SAP130: variants seen among roughly 807,000 people sequenced by gnomAD.
SAP130 encodes the protein histone deacetylase complex subunit SAP130.
A neutral mutation model predicts 103.2 loss-of-function variants in SAP130; 16 were observed. The ratio of observed to expected loss-of-function variants is 0.16; its 90% CI spans 0.10 to 0.24. The LOEUF (loss-of-function observed/expected upper bound fraction) is 0.24, where lower values mean the gene tolerates loss of function less well. Ranked by LOEUF, SAP130 falls within the 10% of genes least tolerant of loss-of-function variation. The probability of loss-of-function intolerance (pLI) is 1.00; values close to 1 mark genes in which losing one functional copy is unlikely to be tolerated. For synonymous variants in SAP130, 477 were observed against 497.0 expected (o/e 0.96, Z 0.53); for missense variants, 990 against 1,359.7 (o/e 0.73, Z 4.28).
intron 1 of SAP130, chr2:128,027,397 C>A (rs115599916): frequency 0.016 from 18,049 of 1,135,520 alleles, 175 homozygotes; most frequent in East Asian, 0.043. Context: ...ACGTTCAGAG[C>A]CCGCCCCACC....
chr2:128,009,474 A>C (rs553724836), intron 7 of SAP130, among the ~76,000 whole-genome samples: 1 of 152,228 alleles, frequency 6.6e-6, no homozygotes, highest in African/African-American at 2.4e-5. Flanking sequence ...CTGTCTCCAA[A>C]AAATAATAAT....
chr2:127,999,882 AC>A, intron 9 of SAP130, 37 bp from the exon 10 acceptor site: 1 of 1,452,586 alleles, frequency 6.9e-7, no homozygotes, highest in South Asian at 1.3e-5. Flanking sequence ...TTTAACAAGA[AC>A]TTCTCTGCAC....
chr2:128,017,856 T>C lies in SAP130; in HGVS notation c.172A>G (p.Ser58Gly). The change falls in exon 3 of 21, where the codon AGC becomes GGC. Residue 58 changes from serine (S) to glycine (G), a missense_variant. Coordinates refer to ENST00000643581, the MANE Select transcript of SAP130 (RefSeq NM_001330301.2). The part of the protein sequence containing the change: ...VSAREHMSSS[S>G]SLQSREEKQE... ...TTCTCCTCCCGGGACTGGAGGGAGC[T>C]GCTGGAACTCATGTGCTCCCTGGCA... 6.2e-7 allele frequency: 1 copy of C among 1,614,220 alleles called. No homozygotes were observed. Among genetic ancestry groups the C allele is most frequent in the African/African-American group, 1.3e-5 (1 of 75,058 alleles).
chr2:127,993,999 C>T (rs893135141), intron 11 of SAP130, among the ~76,000 whole-genome samples: 8 of 152,018 alleles, frequency 5.3e-5, no homozygotes, highest in African/African-American at 1.4e-4. Context: ...AGATTATAAA[C>T]AAATCTAACT....
In SAP130 at chr2:127,989,686, G is replaced by A. The variant is rs1214742366; in HGVS notation, c.1658C>T (p.Pro553Leu). 6.2e-7 allele frequency: 1 copy of A among 1,614,148 alleles called. No individual in the cohort carries two copies. The highest frequency in any genetic ancestry group is 8.5e-7 in the Non-Finnish European group (1 of 1,180,040). ...QGIQPAPIGT[P>L]GIQPAPLGTQ... The stretch of plus-strand genomic sequence containing the variant: ...GCCAAGTGGTGCAGGCTGTATCCCT[G>A]GGGTCCCAATGGGGGCCGGCTGGAT... The change falls in exon 13 of 21, where the codon CCA becomes CTA. Residue 553 changes from proline to leucine, a missense_variant. This residue lies in a region of SAP130 where 349 missense variants were observed against 384.1 expected (regional missense o/e 0.91). Transcript: ENST00000643581. This position sits in a 1 kb window ranked among gnomAD's most constrained non-coding sequence, Gnocchi z 4.6.
chr2:127,952,671 C>T (rs1237391373), intron 16 of SAP130, among the ~76,000 whole-genome samples: 1 of 152,106 alleles, frequency 6.6e-6, no homozygotes, highest in Non-Finnish European at 1.5e-5. Flanking sequence ...ATCCAAAGGT[C>T]ACTGCTCAGA....
In SAP130 at chr2:128,016,477, G is replaced by C. The variant is rs142387541; in HGVS notation, c.419C>G (p.Pro140Arg). ...AACGGTAACCTGCCCTGGAACCTTG[G>C]GGGGAAGTGACAGGGTAGAAGGTGG... ...PAPPSTLSLP[P>R]KVPGQVTVTM... The change falls in exon 4 of 21, where the codon CCC becomes CGC. Residue 140 changes from proline to arginine, a missense_variant. Around this residue, in one of 6 missense-constraint regions of SAP130, gnomAD observed 167 missense variants for 187.4 expected, o/e 0.89. Coordinates refer to ENST00000643581, the MANE Select transcript of SAP130 (RefSeq NM_001330301.2). The C allele has an allele frequency of 2.5e-6, 4 of 1,614,028 alleles. No homozygotes were observed. Among genetic ancestry groups the C allele is most frequent in the South Asian group, 1.1e-5 (1 of 91,056 alleles).
intron 15 of SAP130, among the ~76,000 whole-genome samples, chr2:127,965,391 G>C (rs1331743380): frequency 6.6e-6 from 1 of 152,168 alleles, no homozygotes; most frequent in African/African-American, 2.4e-5. Context: ...ACTCAAGCCT[G>C]GGAGGTCAAG....
chr2:127,996,566 G>T lies in SAP130; in HGVS notation c.1214-75C>A. 1 of 1,300,304 alleles carries T rather than the reference G, an allele frequency of 7.7e-7. No individual in the cohort carries two copies. The highest frequency in any genetic ancestry group is 1.0e-6 in the Non-Finnish European group (1 of 981,394). 80.5% of individuals were successfully genotyped at this position (1,300,304 alleles called of 1,614,324 possible). A position where few individuals can be genotyped will look rare whatever the true frequency, so the allele number is the denominator to read the frequency against. The stretch of plus-strand genomic sequence containing the variant: ...CATGCCAAAACATTCTTGGCTAGCA[G>T]CAATCTTAGGAAAGCAAACAATTAA... On this transcript the variant is annotated intron_variant, in intron 10 of 20. Coordinates refer to ENST00000643581, the MANE Select transcript of SAP130 (RefSeq NM_001330301.2). This position sits in a 1 kb window ranked among gnomAD's most constrained non-coding sequence, Gnocchi z 4.3.
Position 128,014,910 on chromosome 2 carries a change from T to C in SAP130, c.512A>G (p.His171Arg). 2 of 1,613,204 alleles carry C rather than the reference T, an allele frequency of 1.2e-6. No homozygotes were observed. Among genetic ancestry groups the C allele is most frequent in the Non-Finnish European group, 1.7e-6 (2 of 1,179,150 alleles). The stretch of plus-strand genomic sequence containing the variant: ...CATGATGTGATGCAGGTTACTGGGA[T>C]GGCCCTGAAAGAAAGAGGATAGAAC... ...PVATISGQQG[H>R]PSNLHHIMTT... is the part of the protein sequence containing the mutation. Residue 171 changes from histidine (H) to arginine (R), a missense_variant, in exon 5 of 21, where the codon CAT (histidine) becomes CGT (arginine). By Grantham distance (29) the His-to-Arg change is conservative (BLOSUM62 0). Around this residue, in one of 6 missense-constraint regions of SAP130, gnomAD observed 336 missense variants for 520.1 expected, o/e 0.65. Transcript: ENST00000643581.
At position 128,026,164 on chromosome 2, in the gene SAP130, A is replaced by C. The variant is rs1685482421; in HGVS notation, c.112+17T>G. ...CTTAAAGTAGGAAAAAATATATTAG[A>C]ATATTACATATCTCACCTGTAGCAG... On this transcript the variant is annotated intron_variant, in intron 2 of 20. Transcript: ENST00000643581. The C allele has an allele frequency of 2.0e-6, 3 of 1,515,544 alleles. No homozygotes were observed. The highest frequency in any genetic ancestry group is 2.7e-6 in the Non-Finnish European group (3 of 1,095,694). The allele number at this position is 1,515,544 out of a possible 1,614,324, so 93.9% of individuals were successfully genotyped here.
chr2:127,998,856 T>C (rs945809716), intron 10 of SAP130, among the ~76,000 whole-genome samples: 5 of 152,190 alleles, frequency 3.3e-5, no homozygotes, highest in Non-Finnish European at 7.3e-5. Context: ...GCTCCTGACT[T>C]GATAAACGTT....
rs753106220 is a variant in SAP130, at chr2:128,026,229, GAGAAGGGGCCTGGCTCAGCCCGGT to G, written c.40_63del (p.Thr14_Ser21del). ...CCAGCAGAACCACTGTTTGCAATCT[GAGAAGGGGCCTGGCTCAGCCCGGT>G]AGAAGGGGCTCCTAACCGAGGAAAC... is the stretch of plus-strand genomic sequence containing the variant. On this transcript the variant is annotated inframe_deletion, in exon 2 of 21. Transcript: ENST00000643581. 1.9e-6 allele frequency: 3 copies of G among 1,614,124 alleles called. No homozygotes were observed. The highest frequency in any genetic ancestry group is 4.5e-5 in the East Asian group (2 of 44,872).
chr2:128,027,311 C>T, intron 1 of SAP130: 10 of 1,158,810 alleles, frequency 8.6e-6, no homozygotes, highest in Non-Finnish European at 1.1e-5. Context: ...GAACCTGCCC[C>T]TGCCTCCCCC....
rs189433879 is a variant in SAP130, at chr2:127,953,707, C to T, written c.2422+1279G>A. ...TCTCTGGCCTGGAATACCCTTTCCCCGGATATCCTCATGGCCAGGAACTTC... is the reference window on the plus strand; with the variant it reads ...TCTCTGGCCTGGAATACCCTTTCCCTGGATATCCTCATGGCCAGGAACTTC... On this transcript the variant is annotated intron_variant, in intron 16 of 20. Transcript: ENST00000643581. The surrounding 1 kb of genome is among the most constrained non-coding windows in gnomAD (Gnocchi z 4.0). 5.9e-5 allele frequency among the ~76,000 whole-genome samples: 9 copies of T among 152,256 alleles called. No homozygotes were observed. In the South Asian group the frequency reaches 8.3e-4, roughly 14 times the overall value.
Position 127,955,114 on chromosome 2 carries a change from G to C in SAP130, c.2294C>G (p.Thr765Ser). ...GAVPITPPITTIAAAPPPSVT... is the reference protein window; with the variant it reads ...GAVPITPPITSIAAAPPPSVT... ...TGATGGAGGTGGTGCAGCTGCAATG[G>C]TGGTGATGGGTGGAGTGATGGGGAC... The change falls in exon 16 of 21, where the codon ACC (threonine) becomes AGC (serine). Residue 765 changes from threonine to serine, a missense_variant. Thr to Ser is a moderately conservative substitution (Grantham distance 58). Coordinates refer to ENST00000643581, the MANE Select transcript of SAP130 (RefSeq NM_001330301.2). The surrounding 1 kb of genome is among the most constrained non-coding windows in gnomAD (Gnocchi z 4.9). 6.2e-7 allele frequency: 1 copy of C among 1,614,206 alleles called. No individual in the cohort carries two copies. The highest frequency in any genetic ancestry group is 8.5e-7 in the Non-Finnish European group (1 of 1,180,030).
At position 127,986,646 on chromosome 2, in the gene SAP130, A is replaced by G. The variant is rs559114703; in HGVS notation, c.1958+139T>C. 3.4e-6 allele frequency: 3 copies of G among 881,684 alleles called. No individual in the cohort carries two copies. Among genetic ancestry groups the G allele is most frequent in the South Asian group, 3.3e-5 (2 of 60,130 alleles). The allele number at this position is 881,684 out of a possible 1,614,324, so 54.6% of individuals were successfully genotyped here. ...GCTCTACTGAATAATCCTGTGGTCAAGTTGTTTTGGAGGAAATTTTAACAC... is the reference window on the plus strand; with the variant it reads ...GCTCTACTGAATAATCCTGTGGTCAGGTTGTTTTGGAGGAAATTTTAACAC... On this transcript the variant is annotated intron_variant, in intron 14 of 20. Transcript: ENST00000643581. This position sits in a 1 kb window ranked among gnomAD's most constrained non-coding sequence, Gnocchi z 4.7.
At chr2:128,007,529 T>C (rs1002242461) in intron 7 of SAP130, among the ~76,000 whole-genome samples, 1 of 152,230 alleles carries the variant, frequency 6.6e-6, no homozygotes, top group Admixed American at 6.5e-5. Context: ...TTAACTTTTA[T>C]AAAGTTAAAA....
At position 127,999,672 on chromosome 2, in the gene SAP130, A is replaced by T. The variant is rs530820104; in HGVS notation, c.1213+69T>A. On this transcript the variant is annotated intron_variant, in intron 10 of 20. Coordinates refer to ENST00000643581, the MANE Select transcript of SAP130 (RefSeq NM_001330301.2). ...GTAAAAATCAATACTAGCCATCACC[A>T]TGAAGGCCTAGTCTGAGGGGTTACA... is the stretch of plus-strand genomic sequence containing the variant. 392 of 743,920 alleles carry T rather than the reference A, an allele frequency of 5.3e-4. 1 individual carries two copies. Among genetic ancestry groups the T allele is most frequent in the Non-Finnish European group, 7.5e-4 (358 of 476,050 alleles). The allele number at this position is 743,920 out of a possible 1,614,324, so 46.1% of individuals were successfully genotyped here.
Sources: allele counts gnomAD v4.1 joint callset (sites outside exome capture counted in the v4.1 genomes callset), GRCh38; gene constraint gnomAD v4.1.1; regional missense constraint gnomAD v4.1.1; non-coding constraint Gnocchi (gnomAD v3.1); transcripts MANE v1.5; gene names NCBI Gene and HGNC (gene_info 2026-07-23, HGNC 2026-07-21).